STAMBPL1: variants seen among roughly 807,000 people sequenced by gnomAD.
The protein encoded by STAMBPL1 is STAM binding protein like 1, also known as AMSH-like protease.
STAMBPL1 carries 44 observed loss-of-function variants against 52.9 expected under a neutral mutation model. The ratio of observed to expected loss-of-function variants is 0.83; its 90% CI spans 0.65 to 1.07. The LOEUF is 1.07. Ranked by LOEUF, STAMBPL1 falls within the 50% of genes least tolerant of loss-of-function variation. The pLI is 0.00. For synonymous variants in STAMBPL1, 164 were observed against 177.3 expected (o/e 0.92, Z 0.60); for missense variants, 511 against 520.8 (o/e 0.98, Z 0.18).
chr10:88,908,820 T>C (rs1238104055), intron 4 of STAMBPL1, 43 bp downstream of exon 4: 2 of 1,475,882 alleles, frequency 1.4e-6, no homozygotes, highest in Non-Finnish European at 1.8e-6. Flanking sequence ...AAATGCTCCA[T>C]AAGTATCCAT....
At chr10:88,907,520 C>T (rs1230515116) in intron 3 of STAMBPL1, among the ~76,000 whole-genome samples, 1 of 152,124 alleles carries the variant, frequency 6.6e-6, no homozygotes, top group African/African-American at 2.4e-5. Context: ...TGCATATGTT[C>T]CTATGGAATT....
At chr10:88,883,389 T>C (rs1393657259) in intron 1 of STAMBPL1, among the ~76,000 whole-genome samples, 2 of 152,164 alleles carry the variant, frequency 1.3e-5, no homozygotes, top group East Asian at 3.9e-4. Context: ...CAAAAAATAC[T>C]ATTGGTACCT....
chr10:88,900,342 G>T (rs535724221), intron 1 of STAMBPL1, among the ~76,000 whole-genome samples: 7 of 152,048 alleles, frequency 4.6e-5, no homozygotes, highest in Non-Finnish European at 1.0e-4. Context: ...TGATGAATGG[G>T]GTATAAAGGA....
chr10:88,916,229 A>G (rs1037777944), intron 7 of STAMBPL1, among the ~76,000 whole-genome samples: 1 of 152,024 alleles, frequency 6.6e-6, no homozygotes, highest in Admixed American at 6.6e-5. Flanking sequence ...AAACAAAACC[A>G]TCAACCTTCA....
chr10:88,912,784 G>T (rs1420468953), intron 5 of STAMBPL1: 2 of 238,706 alleles, frequency 8.4e-6, no homozygotes, highest in Non-Finnish European at 1.6e-5. Flanking sequence ...TGTTTCATAT[G>T]GTCTTGTTGG....
chr10:88,902,196 C>T (rs564057899), intron 2 of STAMBPL1, among the ~76,000 whole-genome samples: 145 of 152,260 alleles, frequency 9.5e-4, no homozygotes, highest in Non-Finnish European at 1.6e-3. Flanking sequence ...CTCACTTTTC[C>T]CCTCACTGCC....
At chr10:88,922,308 T>C (rs764519367) in intron 9 of STAMBPL1, 29 bp from the exon 10 acceptor site, 6 of 1,609,116 alleles carry the variant, frequency 3.7e-6, no homozygotes, top group Non-Finnish European at 5.1e-6. Context: ...TCCTTAATTT[T>C]TCTATCTTGT....
intron 3 of STAMBPL1, among the ~76,000 whole-genome samples, chr10:88,906,279 T>C (rs1589367951): frequency 6.6e-6 from 1 of 152,128 alleles, no homozygotes; most frequent in Non-Finnish European, 1.5e-5. Flanking sequence ...CATGTCAGAG[T>C]ATCATGTTTC....
At chr10:88,914,399 A>G in intron 6 of STAMBPL1, 135 bp from the exon 7 acceptor site, 1 of 537,228 alleles carries the variant, frequency 1.9e-6, no homozygotes, top group Non-Finnish European at 2.9e-6. Context: ...TTTTAAAATA[A>G]AATATGGAAA....
At chr10:88,905,422 G>T (rs1845046699) in intron 2 of STAMBPL1, 21 bp from the exon 3 acceptor site, 21 of 1,587,622 alleles carry the variant, frequency 1.3e-5, no homozygotes, top group Non-Finnish European at 1.7e-5. Flanking sequence ...GTTAATCAGA[G>T]ATTTAAATTT....
At position 88,903,767 on chromosome 10, in the gene STAMBPL1, G is replaced by A. The variant is rs946854624; in HGVS notation, c.31-1676G>A. Among the ~76,000 whole-genome samples, 3 of 152,178 alleles carry A rather than the reference G, an allele frequency of 2.0e-5. No homozygotes were observed. In the East Asian group the frequency reaches 5.8e-4, roughly 29 times the overall value. On this transcript the variant is annotated intron_variant, in intron 2 of 10. Transcript: ENST00000371926. ...TTGAAAAGACTATATACTGAAGCCC[G>A]AGGCTCAAAGTTCAGAAACTCCAAT... is the stretch of plus-strand genomic sequence containing the variant.
chr10:88,896,820 A>G (rs1844821859), intron 1 of STAMBPL1, among the ~76,000 whole-genome samples: 1 of 151,936 alleles, frequency 6.6e-6, no homozygotes, highest in Admixed American at 6.6e-5. Flanking sequence ...AGGATTCTGA[A>G]CTTTGCCACA....
intron 4 of STAMBPL1, 24 bp from the exon 5 acceptor site, chr10:88,910,872 TATTGAAAATCCCACTAATCA>T (rs780324109): frequency 1.8e-4 from 239 of 1,358,656 alleles, no homozygotes; most frequent in Non-Finnish European, 2.3e-4. Context: ...TGAAAGAGTG[TATTGAAAATCCCACTAATCA>T]ATATGTATAT....
intron 2 of STAMBPL1, among the ~76,000 whole-genome samples, chr10:88,902,022 T>C (rs146662765): frequency 1.4e-4 from 21 of 152,326 alleles, no homozygotes; most frequent in African/African-American, 5.1e-4. Context: ...AATTTCAGAG[T>C]TGATATCTGA....
intron 1 of STAMBPL1, among the ~76,000 whole-genome samples, chr10:88,885,964 GA>G (rs1048349799): frequency 1.3e-5 from 2 of 152,100 alleles, no homozygotes; most frequent in African/African-American, 4.8e-5. Flanking sequence ...CTAAGTAAGT[GA>G]AACTTTTTCT....
intron 4 of STAMBPL1, among the ~76,000 whole-genome samples, chr10:88,910,519 C>T (rs1277893833): frequency 2.0e-5 from 3 of 152,172 alleles, no homozygotes; most frequent in Non-Finnish European, 4.4e-5. Flanking sequence ...TCCCTATCCA[C>T]CATATATTCT....
chr10:88,892,299 A>T (rs1036248983), intron 1 of STAMBPL1, among the ~76,000 whole-genome samples: 1 of 151,974 alleles, frequency 6.6e-6, no homozygotes, highest in Non-Finnish European at 1.5e-5. Flanking sequence ...ATTTTGACTC[A>T]GTGGGGCCTA....
Position 88,900,791 on chromosome 10 carries a change from C to T in STAMBPL1, c.-53-865C>T, listed in dbSNP as rs139349076. ...GCTTTTTGGTTCAGGAGTCTAGGCA[C>T]AGCTTATCTAGATCCTCTACTCATG... On this transcript the variant is annotated intron_variant, in intron 1 of 10. Coordinates refer to ENST00000371926, the MANE Select transcript of STAMBPL1 (RefSeq NM_020799.4). Among the ~76,000 whole-genome samples, 144 of 152,348 alleles carry T rather than the reference C, an allele frequency of 9.5e-4. 1 individual carries two copies. Among genetic ancestry groups the T allele is most frequent in the African/African-American group, 3.1e-3 (128 of 41,584 alleles).
At chr10:88,916,645 A>C in intron 7 of STAMBPL1, 35 bp from the exon 8 acceptor site, 2 of 1,522,896 alleles carry the variant, frequency 1.3e-6, no homozygotes, top group Non-Finnish European at 1.8e-6. Flanking sequence ...TTTTTCTGTG[A>C]GATGCATGTC....
Sources: gnomAD v4.1 joint callset for allele counts (sites outside exome capture counted in the v4.1 genomes callset) on GRCh38, gnomAD v4.1.1 for gene constraint, MANE v1.5 for transcripts, NCBI Gene and HGNC (gene_info 2026-07-23, HGNC 2026-07-21) for gene names.